Variants in GPAT3 observed in about 807,000 individuals in gnomAD.
The protein encoded by GPAT3 is 1-AGP acyltransferase 9.
Under a neutral mutation model 58.8 loss-of-function variants are expected in GPAT3, and 53 were observed. The ratio of observed to expected loss-of-function variants is 0.90; its 90% CI spans 0.72 to 1.13. The LOEUF (loss-of-function observed/expected upper bound fraction) is 1.13. GPAT3 is among the 50% of genes most tolerant of loss of function. The pLI, the probability that GPAT3 is intolerant of heterozygous loss-of-function variation, is 0.00. For missense variants in GPAT3, 511 were observed against 527.6 expected (o/e 0.97, Z 0.31); for synonymous variants, 197 against 187.4 (o/e 1.05, Z -0.42).
chr4:83,576,555 T>A (rs1174337040), intron 2 of GPAT3, among the ~76,000 whole-genome samples: 4 of 152,058 alleles, frequency 2.6e-5, no homozygotes, highest in Admixed American at 2.6e-4. Flanking sequence ...GCGATTCTCA[T>A]GCCTCAGCCT....
At chr4:83,552,276 G>C (rs1724783931) in intron 2 of GPAT3, among the ~76,000 whole-genome samples, 1 of 152,178 alleles carries the variant, frequency 6.6e-6, no homozygotes, top group Non-Finnish European at 1.5e-5. Context: ...GTAGATGACA[G>C]ACAGTAGCAC....
rs1445146288 is a variant in GPAT3, at chr4:83,562,208, ATAT to A, written c.208+17610_208+17612del. 2.5e-3 allele frequency among the ~76,000 whole-genome samples: 84 copies of A among 33,680 alleles called. 1 individual carries two copies. The highest frequency in any genetic ancestry group is 0.017 in the African/African-American group (75 of 4,496). The allele number at this position is 33,680 out of a possible 152,430, so 22.1% of individuals were successfully genotyped here. A position where few individuals can be genotyped will look rare whatever the true frequency, so the allele number is the denominator to read the frequency against. On this transcript the variant is annotated intron_variant, in intron 2 of 11. Transcript: ENST00000264409. ...ATATATATATATATATAATATATAT[ATAT>A]TATATATATATATAATATATATATA...
intron 3 of GPAT3, among the ~76,000 whole-genome samples, 180 bp from the exon 4 acceptor site, chr4:83,587,075 G>T (rs1437825358): frequency 6.6e-6 from 1 of 152,192 alleles, no homozygotes; most frequent in Non-Finnish European, 1.5e-5. Context: ...CTTAAAGTGT[G>T]TCGTGGAACA....
In GPAT3 at chr4:83,598,625, T is replaced by G. The variant is rs72938771; in HGVS notation, c.1126-19T>G. 12,954 of 1,554,612 alleles carry G rather than the reference T, an allele frequency of 8.3e-3. 684 individuals carry two copies. In the African/African-American group the frequency reaches 0.15, roughly 18 times the overall value. On this transcript the variant is annotated intron_variant, in intron 10 of 11. Coordinates refer to ENST00000264409, the MANE Select transcript of GPAT3 (RefSeq NM_032717.5). Reference sequence around the variant, plus strand: ...CGATAACTAAGATATTCTTGCAATTTTTTTTTTTTTTAAACCAGGAAGGAG... The same window carrying G: ...CGATAACTAAGATATTCTTGCAATTGTTTTTTTTTTTAAACCAGGAAGGAG...
rs191408427 is a variant in GPAT3, at chr4:83,603,993, T to C, written c.1206-675T>C. On this transcript the variant is annotated intron_variant, in intron 11 of 11. Coordinates refer to ENST00000264409, the MANE Select transcript of GPAT3 (RefSeq NM_032717.5). Reference sequence around the variant, plus strand: ...AAGACATAGGTAGACGAAAAACCAGTATTTTGTTTTCCTTAAGGAATAATA... The same window carrying C: ...AAGACATAGGTAGACGAAAAACCAGCATTTTGTTTTCCTTAAGGAATAATA... Among the ~76,000 whole-genome samples, 428 of 152,310 alleles carry C rather than the reference T, an allele frequency of 2.8e-3. 1 individual carries two copies. Among genetic ancestry groups the C allele is most frequent in the Non-Finnish European group, 4.4e-3 (301 of 68,020 alleles).
chr4:83,566,793 CTTT>C (rs566919778), intron 2 of GPAT3, among the ~76,000 whole-genome samples: 1 of 137,194 alleles, frequency 7.3e-6, no homozygotes, highest in African/African-American at 2.7e-5. Context: ...TTTAGCTTTT[CTTT>C]TTTTTTTTTC....
At chr4:83,593,678 A>C (rs1726698041) in intron 6 of GPAT3, among the ~76,000 whole-genome samples, 2 of 152,132 alleles carry the variant, frequency 1.3e-5, no homozygotes, top group Non-Finnish European at 2.9e-5. Context: ...ACAAAAAAAA[A>C]GGTAGTAAAA....
Position 83,590,240 on chromosome 4 carries a change from A to G in GPAT3, c.686A>G (p.His229Arg), listed in dbSNP as rs1726546479. 5 of 1,613,846 alleles carry G rather than the reference A, an allele frequency of 3.1e-6. No individual in the cohort carries two copies. Among genetic ancestry groups the G allele is most frequent in the African/African-American group, 1.3e-5 (1 of 74,916 alleles). Reference protein sequence around the residue: ...PQKGGICVANHTSPIDVLILT... With the variant: ...PQKGGICVANRTSPIDVLILT... ...AAGGGAGGCATTTGTGTTGCCAACC[A>G]TACTTCCCCCATTGATGTTTTAATC... Residue 229 changes from histidine (H) to arginine (R), a missense_variant, in exon 6 of 12, where the codon CAT (histidine) becomes CGT (arginine). Physicochemically the swap from His to Arg is conservative, Grantham distance 29 (BLOSUM62 0). Transcript: ENST00000264409.
chr4:83,554,709 C>G (rs1264455190), intron 2 of GPAT3, among the ~76,000 whole-genome samples: 3 of 151,998 alleles, frequency 2.0e-5, no homozygotes, highest in African/African-American at 7.3e-5. Flanking sequence ...CTATGCCTTC[C>G]TTACTAGCTC....
intron 11 of GPAT3, among the ~76,000 whole-genome samples, chr4:83,603,027 T>C (rs2110113295): frequency 6.6e-6 from 1 of 152,338 alleles, no homozygotes; most frequent in Admixed American, 6.5e-5. Context: ...CTCAAGCCGG[T>C]GTCTCTGTGG....
chr4:83,593,710 T>C (rs1726700598), intron 6 of GPAT3, among the ~76,000 whole-genome samples: 1 of 152,154 alleles, frequency 6.6e-6, no homozygotes, highest in Admixed American at 6.6e-5. Context: ...TGTTTTGCAG[T>C]TCTTACAATG....
At chr4:83,547,453 C>T (rs182137031) in intron 2 of GPAT3, among the ~76,000 whole-genome samples, 20 of 151,604 alleles carry the variant, frequency 1.3e-4, no homozygotes, top group Middle Eastern at 6.8e-3. Context: ...GGGGTTTCAC[C>T]GTGTTAGCCA....
At chr4:83,565,495 A>AT (rs56262504) in intron 2 of GPAT3, among the ~76,000 whole-genome samples, 19 of 151,302 alleles carry the variant, frequency 1.3e-4, no homozygotes, top group South Asian at 4.2e-4. Flanking sequence ...TTAATTATTG[A>AT]TTTTTTTTTG....
At chr4:83,544,081 T>C (rs978991058) in intron 1 of GPAT3, among the ~76,000 whole-genome samples, 4 of 152,242 alleles carry the variant, frequency 2.6e-5, no homozygotes, top group Non-Finnish European at 5.9e-5. Context: ...CTTTACGCCC[T>C]ACGTTTAGGC....
intron 7 of GPAT3, chr4:83,595,336 G>GA (rs746397442): frequency 2.1e-4 from 31 of 150,522 alleles, no homozygotes; most frequent in East Asian, 3.9e-4. Flanking sequence ...ATATAAAAAA[G>GA]AAAAAAAAAC....
Position 83,536,550 on chromosome 4 carries a change from C to A in GPAT3, c.-73C>A. On this transcript the variant is annotated 5_prime_UTR_variant, in exon 1 of 12. The change creates a new upstream start codon in the 5' untranslated region. Transcript: ENST00000264409. ...CTCTGCTCCTGGAGCTCCCGCGGGA[C>A]TGCCTGGGGACAGGGACTGCTGTGG... The A allele has an allele frequency of 1.3e-6, 2 of 1,545,920 alleles. No individual in the cohort carries two copies. Among genetic ancestry groups the A allele is most frequent in the African/African-American group, 2.7e-5 (2 of 73,334 alleles).
chr4:83,590,148 T>A, intron 5 of GPAT3, 51 bp from the exon 6 acceptor site: 1 of 1,517,312 alleles, frequency 6.6e-7, no homozygotes, highest in Non-Finnish European at 9.1e-7. Context: ...AGTATTTACA[T>A]GCTGTGGCTA....
intron 2 of GPAT3, among the ~76,000 whole-genome samples, chr4:83,549,441 T>TTG (rs1553943570): frequency 8.2e-6 from 1 of 122,146 alleles, no homozygotes; most frequent in Non-Finnish European, 1.7e-5. Flanking sequence ...CTTTTTTATT[T>TTG]TGCGTGTGTG....
chr4:83,581,940 C>A (rs1578189125), intron 3 of GPAT3, 108 bp downstream of exon 3: 3 of 1,424,078 alleles, frequency 2.1e-6, no homozygotes, highest in Non-Finnish European at 2.8e-6. Flanking sequence ...CCACCCATTC[C>A]CACGTAGGAA....
Sources: allele counts gnomAD v4.1 joint callset (sites outside exome capture counted in the v4.1 genomes callset), GRCh38; gene constraint gnomAD v4.1.1; transcripts MANE v1.5; gene names NCBI Gene and HGNC (gene_info 2026-07-23, HGNC 2026-07-21).